Variants in DDX10 observed in about 807,000 individuals in gnomAD.
DDX10 encodes the protein probable ATP-dependent RNA helicase DDX10.
Under a neutral mutation model 104.3 loss-of-function variants are expected in DDX10, and 74 were observed. That is an observed-to-expected ratio of 0.71 (90% confidence interval 0.59 to 0.86). DDX10 has a LOEUF of 0.86. DDX10 is among the 40% of genes least tolerant of loss of function. The pLI is 0.00. For missense variants in DDX10, 952 were observed against 1,040.0 expected, an observed-to-expected ratio of 0.92 and a Z score of 1.16; for synonymous variants, 351 against 353.4, an observed-to-expected ratio of 0.99 and a Z score of 0.08.
intron 14 of DDX10, 92 bp downstream of exon 14, chr11:108,838,657 T>A: frequency 2.2e-6 from 3 of 1,363,334 alleles, no homozygotes; most frequent in Non-Finnish European, 3.0e-6. Flanking sequence ...AATGATAGAG[T>A]AAATGTTTCT....
At chr11:108,704,874 C>T (rs562585862) in intron 9 of DDX10, among the ~76,000 whole-genome samples, 6 of 152,310 alleles carry the variant, frequency 3.9e-5, no homozygotes, top group Admixed American at 3.9e-4. Context: ...ACTGGACTCT[C>T]AAATGGTGCC....
intron 15 of DDX10, among the ~76,000 whole-genome samples, chr11:108,846,884 A>C (rs1015495157): frequency 6.6e-6 from 1 of 152,104 alleles, no homozygotes; most frequent in African/African-American, 2.4e-5. Flanking sequence ...TGGGAGTAGA[A>C]CTCAAGCTGC....
intron 16 of DDX10, among the ~76,000 whole-genome samples, chr11:108,905,311 A>AG (rs1565314586): frequency 2.9e-3 from 39 of 13,242 alleles, no homozygotes; most frequent in African/African-American, 6.8e-3. Context: ...TAGATTGTTT[A>AG]AGGGGGGGGG....
chr11:108,773,116 A>G (rs1193634006), intron 13 of DDX10, among the ~76,000 whole-genome samples: 2 of 152,248 alleles, frequency 1.3e-5, no homozygotes, highest in Admixed American at 6.5e-5. Context: ...CAACTCAGAT[A>G]TAAAATGTAG....
chr11:108,858,702 G>A (rs1036137117), intron 16 of DDX10, among the ~76,000 whole-genome samples: 10 of 152,136 alleles, frequency 6.6e-5, no homozygotes, highest in African/African-American at 2.2e-4. Flanking sequence ...CCTTATTTGC[G>A]AAGAATTTAA....
intron 13 of DDX10, among the ~76,000 whole-genome samples, chr11:108,777,942 T>C (rs372322226): frequency 2.6e-5 from 4 of 152,084 alleles, no homozygotes; most frequent in East Asian, 1.9e-4. Context: ...CTCCCATTCA[T>C]AATTGCTTCA....
intron 16 of DDX10, among the ~76,000 whole-genome samples, chr11:108,889,477 T>C (rs2134638661): frequency 6.6e-6 from 1 of 152,274 alleles, no homozygotes; most frequent in South Asian, 2.1e-4. Flanking sequence ...AGGTACAAAA[T>C]AAAATTATCA....
chr11:108,841,187 A>T, intron 14 of DDX10, 128 bp from the exon 15 acceptor site: 1 of 731,340 alleles, frequency 1.4e-6, no homozygotes, highest in Non-Finnish European at 2.2e-6. Flanking sequence ...AGAAGATTAA[A>T]TAATACAGAT....
At chr11:108,901,878 T>C (rs1863520911) in intron 16 of DDX10, among the ~76,000 whole-genome samples, 2 of 152,206 alleles carry the variant, frequency 1.3e-5, no homozygotes, top group South Asian at 4.1e-4. Context: ...TAAAATATAC[T>C]AGGTAATGTT....
At chr11:108,880,922 T>G (rs990084928) in intron 16 of DDX10, among the ~76,000 whole-genome samples, 10 of 152,242 alleles carry the variant, frequency 6.6e-5, no homozygotes, top group Admixed American at 1.3e-4. Flanking sequence ...CCTAAGGCAT[T>G]TTTACATTGT....
chr11:108,899,305 A>G (rs1863483465), intron 16 of DDX10, among the ~76,000 whole-genome samples: 1 of 151,776 alleles, frequency 6.6e-6, no homozygotes, highest in Non-Finnish European at 1.5e-5. Flanking sequence ...TTAACATTAT[A>G]ATCCTGGGAT....
intron 13 of DDX10, among the ~76,000 whole-genome samples, chr11:108,791,994 G>C (rs1861878036): frequency 6.6e-6 from 1 of 152,100 alleles, no homozygotes; most frequent in Non-Finnish European, 1.5e-5. Context: ...TGGCTACAAA[G>C]GCTTATCTCA....
chr11:108,841,474 C>T lies in DDX10; in HGVS notation c.2245C>T (p.Arg749Trp), dbSNP rs763915011. Residue 749 changes from arginine (R) to tryptophan (W), a missense_variant and splice_region_variant, in exon 15 of 18, where the codon CGG becomes TGG. Transcript: ENST00000322536. ...TAGGAAAAAAATTAAGGCAAAGCATCGGGTAAGCTTTCCATCTTGAATTCA... is the reference window on the plus strand; with the variant it reads ...TAGGAAAAAAATTAAGGCAAAGCATTGGGTAAGCTTTCCATCTTGAATTCA... ...EYRKKIKAKH[R>W]EKRLKEREAR... 9.9e-6 allele frequency: 16 copies of T among 1,612,978 alleles called. No individual in the cohort carries two copies. The highest frequency in any genetic ancestry group is 6.7e-5 in the Admixed American group (4 of 59,932).
intron 15 of DDX10, among the ~76,000 whole-genome samples, chr11:108,845,979 A>G (rs187658835): frequency 8.9e-4 from 135 of 152,304 alleles, no homozygotes; most frequent in African/African-American, 3.2e-3. Context: ...CCCTCATACT[A>G]TTACACCTGT....
chr11:108,774,703 T>G (rs1055839709), intron 13 of DDX10, among the ~76,000 whole-genome samples: 2 of 152,206 alleles, frequency 1.3e-5, no homozygotes, highest in Non-Finnish European at 2.9e-5. Flanking sequence ...CTGTGTTTTC[T>G]CCAGCCAAGA....
At chr11:108,898,175 G>T (rs1863465864) in intron 16 of DDX10, among the ~76,000 whole-genome samples, 1 of 152,098 alleles carries the variant, frequency 6.6e-6, no homozygotes, top group African/African-American at 2.4e-5. Flanking sequence ...CCATGACACT[G>T]GGTAGGCCCA....
chr11:108,705,662 G>GTGAGAAACTTTTACTCACTT (rs2094274795), intron 9 of DDX10, among the ~76,000 whole-genome samples: 1 of 152,150 alleles, frequency 6.6e-6, no homozygotes, highest in African/African-American at 2.4e-5. Flanking sequence ...TCAGTAAAAA[G>GTGAGAAACTTTTACTCACTT]TTTATTTGCT....
At chr11:108,778,844 G>T (rs2134536252) in intron 13 of DDX10, among the ~76,000 whole-genome samples, 1 of 152,004 alleles carries the variant, frequency 6.6e-6, no homozygotes, top group Non-Finnish European at 1.5e-5. Flanking sequence ...AAATTTACAA[G>T]AAAAAGTCAA....
intron 16 of DDX10, among the ~76,000 whole-genome samples, chr11:108,869,153 T>G (rs999797896): frequency 6.6e-6 from 1 of 151,914 alleles, no homozygotes; most frequent in African/African-American, 2.4e-5. Flanking sequence ...TTAAAAGCCA[T>G]GCACACAATT....
Sources: gnomAD v4.1 joint callset for allele counts (sites outside exome capture counted in the v4.1 genomes callset) on GRCh38, gnomAD v4.1.1 for gene constraint, MANE v1.5 for transcripts, NCBI Gene and HGNC (gene_info 2026-07-23, HGNC 2026-07-21) for gene names.